Variants in TMEFF1 observed in about 807,000 individuals in gnomAD.
TMEFF1 encodes the protein tomoregulin-1.
TMEFF1 carries 20 observed loss-of-function variants against 47.5 expected under a neutral mutation model. The ratio of observed to expected loss-of-function variants is 0.42; its 90% CI spans 0.30 to 0.61. The LOEUF (loss-of-function observed/expected upper bound fraction) is 0.61, where lower values mean the gene tolerates loss of function less well. Among genes scored for constraint, TMEFF1 ranks in the 20% least tolerant of loss-of-function variants. The pLI is 0.19. For synonymous variants in TMEFF1, 162 were observed against 166.3 expected (o/e 0.97, Z 0.20); for missense variants, 411 against 471.1 (o/e 0.87, Z 1.18).
intron 7 of TMEFF1, among the ~76,000 whole-genome samples, chr9:100,555,549 G>T (rs777783950): frequency 6.6e-6 from 1 of 152,134 alleles, no homozygotes; most frequent in African/African-American, 2.4e-5. Context: ...ATAGCTGTGC[G>T]TGTTGATTTC....
intron 8 of TMEFF1, among the ~76,000 whole-genome samples, chr9:100,567,768 G>T (rs146374796): frequency 7.2e-4 from 110 of 152,296 alleles, no homozygotes; most frequent in African/African-American, 2.6e-3. Flanking sequence ...GGTATTAGGA[G>T]AGTGTATTAG....
At chr9:100,491,450 G>A (rs1172387260) in intron 1 of TMEFF1, among the ~76,000 whole-genome samples, 1 of 152,220 alleles carries the variant, frequency 6.6e-6, no homozygotes. Flanking sequence ...ACAGAATCCA[G>A]TAGAGATGAA....
At chr9:100,533,247 A>T (rs1246292685) in intron 5 of TMEFF1, among the ~76,000 whole-genome samples, 1 of 152,188 alleles carries the variant, frequency 6.6e-6, no homozygotes, top group Non-Finnish European at 1.5e-5. Flanking sequence ...ATAATAAAAA[A>T]AAAATGCCTG....
At chr9:100,519,646 A>AC (rs1293330459) in intron 5 of TMEFF1, among the ~76,000 whole-genome samples, 1 of 77,266 alleles carries the variant, frequency 1.3e-5, no homozygotes, top group Non-Finnish European at 2.5e-5. Flanking sequence ...CTGCCCAGTG[A>AC]CTTTTTTTTT....
chr9:100,519,877 A>G (rs945912697), intron 5 of TMEFF1, among the ~76,000 whole-genome samples: 7 of 152,020 alleles, frequency 4.6e-5, no homozygotes, highest in Admixed American at 4.6e-4. Context: ...TAAAAAATAC[A>G]TTTGCATTGT....
At chr9:100,498,716 C>T (rs748479582) in intron 1 of TMEFF1, 49 bp from the exon 2 acceptor site, 13 of 1,576,508 alleles carry the variant, frequency 8.2e-6, no homozygotes, top group East Asian at 4.5e-5. Context: ...GACACACACA[C>T]GTAATAAAAA....
chr9:100,531,352 C>G (rs1587840503), intron 5 of TMEFF1, among the ~76,000 whole-genome samples: 2 of 152,202 alleles, frequency 1.3e-5, no homozygotes, highest in African/African-American at 4.8e-5. Context: ...TGTCTCAGCC[C>G]AAAATCTCCT....
intron 8 of TMEFF1, among the ~76,000 whole-genome samples, chr9:100,563,922 C>T (rs1206195940): frequency 1.3e-5 from 2 of 152,156 alleles, no homozygotes; most frequent in African/African-American, 4.8e-5. Context: ...TGAGTCTGTG[C>T]AGTGTCTATA....
chr9:100,546,558 A>G (rs1838735730), intron 5 of TMEFF1, among the ~76,000 whole-genome samples: 1 of 152,186 alleles, frequency 6.6e-6, no homozygotes, highest in African/African-American at 2.4e-5. Context: ...AATTGAATTT[A>G]CCCAGTTTGG....
At chr9:100,476,858 G>A (rs1004773015) in intron 1 of TMEFF1, among the ~76,000 whole-genome samples, 7 of 151,788 alleles carry the variant, frequency 4.6e-5, no homozygotes, top group Non-Finnish European at 8.8e-5. Context: ...CACCATGCCC[G>A]GCTAATTTTT....
At position 100,555,522 on chromosome 9, in the gene TMEFF1, G is replaced by C. The variant is rs563677551; in HGVS notation, c.775+5362G>C. Among the ~76,000 whole-genome samples the C allele has an allele frequency of 2.6e-5, 4 of 152,260 alleles. No individual in the cohort carries two copies. The South Asian group carries it at 8.3e-4, about 32-fold the overall frequency. Reference sequence around the variant, plus strand: ...GCTAAGAGCTTGCTCTCTGGAGTCAGACTTGGTCTATATCTAATAGCTGTG... The same window carrying C: ...GCTAAGAGCTTGCTCTCTGGAGTCACACTTGGTCTATATCTAATAGCTGTG... On this transcript the variant is annotated intron_variant, in intron 7 of 9. Transcript: ENST00000374879.
At chr9:100,494,764 A>G (rs1423206798) in intron 1 of TMEFF1, among the ~76,000 whole-genome samples, 1 of 152,242 alleles carries the variant, frequency 6.6e-6, no homozygotes, top group Non-Finnish European at 1.5e-5. Flanking sequence ...GATCCAAGGT[A>G]GGCAATTAGC....
At chr9:100,506,154 G>A (rs1045627171) in intron 2 of TMEFF1, among the ~76,000 whole-genome samples, 2 of 152,148 alleles carry the variant, frequency 1.3e-5, no homozygotes, top group Non-Finnish European at 2.9e-5. Context: ...TTGACCTGTG[G>A]TAGCATGCCA....
At chr9:100,532,818 G>A (rs897828390) in intron 5 of TMEFF1, among the ~76,000 whole-genome samples, 6 of 152,098 alleles carry the variant, frequency 3.9e-5, no homozygotes, top group Non-Finnish European at 5.9e-5. Context: ...ATTCACAATC[G>A]CAAAGACTTG....
chr9:100,563,593 A>G (rs1199281478), intron 8 of TMEFF1, among the ~76,000 whole-genome samples: 2 of 152,218 alleles, frequency 1.3e-5, no homozygotes, highest in East Asian at 3.8e-4. Flanking sequence ...GAATAGTAAT[A>G]GTACCTATCT....
At chr9:100,518,550 A>T (rs1838110421) in intron 5 of TMEFF1, 1 of 962,592 alleles carries the variant, frequency 1.0e-6, no homozygotes, top group Non-Finnish European at 1.2e-6. Flanking sequence ...TCAGGCAAGG[A>T]AATTGATGCA....
chr9:100,490,648 C>T (rs550072273), intron 1 of TMEFF1, among the ~76,000 whole-genome samples: 3 of 151,486 alleles, frequency 2.0e-5, no homozygotes, highest in South Asian at 2.1e-4. Flanking sequence ...ACTTATGCTT[C>T]GTCTGTGGTA....
chr9:100,572,283 A>G (rs1248705782), intron 8 of TMEFF1, among the ~76,000 whole-genome samples: 1 of 152,218 alleles, frequency 6.6e-6, no homozygotes, highest in Admixed American at 6.5e-5. Flanking sequence ...CATTAACAAT[A>G]TTCAGCAACT....
chr9:100,497,579 G>A (rs1837675769), intron 1 of TMEFF1, among the ~76,000 whole-genome samples: 1 of 152,096 alleles, frequency 6.6e-6, no homozygotes, highest in African/African-American at 2.4e-5. Flanking sequence ...TGAGCTAGGA[G>A]TAGGAGACCC....
Sources: allele counts gnomAD v4.1 joint callset (sites outside exome capture counted in the v4.1 genomes callset), GRCh38; gene constraint gnomAD v4.1.1; transcripts MANE v1.5; gene names NCBI Gene and HGNC (gene_info 2026-07-23, HGNC 2026-07-21).